The following IKZF1 variants were observed in gnomAD, a reference collection of about 807,000 sequenced individuals.
IKZF1 encodes the protein IKAROS family zinc finger 1, also known as DNA-binding protein Ikaros.
IKZF1 carries 10 observed loss-of-function variants against 51.7 expected under a neutral mutation model. The ratio of observed to expected loss-of-function variants is 0.19; its 90% CI spans 0.12 to 0.33. The LOEUF is 0.33. Ranked by LOEUF, IKZF1 falls within the 10% of genes least tolerant of loss-of-function variation. IKZF1 has a pLI of 1.00. For missense variants in IKZF1, 484 were observed against 707.5 expected, an observed-to-expected ratio of 0.68 and a Z score of 3.58; for synonymous variants, 280 against 282.3, an observed-to-expected ratio of 0.99 and a Z score of 0.08.
intron 3 of IKZF1, among the ~76,000 whole-genome samples, chr7:50,372,088 T>C (rs1273806653): frequency 6.6e-6 from 1 of 152,210 alleles, no homozygotes; most frequent in Non-Finnish European, 1.5e-5. Flanking sequence ...CTTATGAAGA[T>C]AGTTTCAAGC....
intron 3 of IKZF1, among the ~76,000 whole-genome samples, chr7:50,361,327 G>T (rs1805153878): frequency 6.6e-6 from 1 of 152,208 alleles, no homozygotes; most frequent in Non-Finnish European, 1.5e-5. Flanking sequence ...TCTACTCAGT[G>T]TCTTTAGAAT....
intron 3 of IKZF1, among the ~76,000 whole-genome samples, chr7:50,364,042 A>C (rs980962535): frequency 2.6e-5 from 4 of 152,312 alleles, no homozygotes; most frequent in African/African-American, 7.2e-5. Context: ...TCTAAATTTT[A>C]TAAATTTTAT....
intron 7 of IKZF1, among the ~76,000 whole-genome samples, chr7:50,396,214 C>T (rs2153511979): frequency 6.6e-6 from 1 of 151,978 alleles, no homozygotes; most frequent in South Asian, 2.1e-4. Context: ...ATTTGTCTTC[C>T]ATATCTGTTA....
Position 50,376,504 on chromosome 7 carries a change from T to C in IKZF1, c.161-29T>C, listed in dbSNP as rs1361582527. ...TTGAGTTTTTTTTTTGCAATGACACTGAGTGGCCTCCTGTATTGTTTCTTT... is the reference window on the plus strand; with the variant it reads ...TTGAGTTTTTTTTTTGCAATGACACCGAGTGGCCTCCTGTATTGTTTCTTT... On this transcript the variant is annotated intron_variant, in intron 3 of 7. Coordinates refer to ENST00000331340, the MANE Select transcript of IKZF1 (RefSeq NM_006060.6). The surrounding 1 kb of genome is among the most constrained non-coding windows in gnomAD (Gnocchi z 4.5). 2 of 1,605,986 alleles carry C rather than the reference T, an allele frequency of 1.2e-6. No homozygotes were observed. The highest frequency in any genetic ancestry group is 1.7e-6 in the Non-Finnish European group (2 of 1,175,234).
intron 7 of IKZF1, 21 bp downstream of exon 7, chr7:50,391,884 G>C (rs1815179775): frequency 1.3e-6 from 2 of 1,598,638 alleles, no homozygotes; most frequent in South Asian, 1.1e-5. Context: ...AATGTTTGCT[G>C]TCTCTTAAAA....
rs568893927 is a variant in IKZF1 at position 50,400,756 on chromosome 7, G to C, written c.*129G>C. The C allele has an allele frequency of 1.7e-4, 200 of 1,176,230 alleles. No individual in the cohort carries two copies. The highest frequency in any genetic ancestry group is 1.5e-3 in the African/African-American group (99 of 64,404). 72.9% of individuals were successfully genotyped at this position (1,176,230 alleles called of 1,614,324 possible). A position where few individuals can be genotyped will look rare whatever the true frequency, so the allele number is the denominator to read the frequency against. On this transcript the variant is annotated 3_prime_UTR_variant, in exon 8 of 8. Coordinates refer to ENST00000331340, the MANE Select transcript of IKZF1 (RefSeq NM_006060.6). The surrounding 1 kb of genome is among the most constrained non-coding windows in gnomAD (Gnocchi z 5.4). ...CAATGTTGTGTTTGGATTTGTAACT[G>C]TTTTTTGTTTTTTGTTTGAGTTGGT...
At chr7:50,308,350 G>T (rs1265689281) in intron 1 of IKZF1, among the ~76,000 whole-genome samples, 1 of 152,172 alleles carries the variant, frequency 6.6e-6, no homozygotes, top group African/African-American at 2.4e-5. Context: ...TCTCATGTTT[G>T]ACTATAATAA....
Position 50,402,406 on chromosome 7 carries a change from G to A in IKZF1, c.*1779G>A, listed in dbSNP as rs1235987590. The A allele has an allele frequency of 4.3e-6, 1 of 230,758 alleles. No homozygotes were observed. Among genetic ancestry groups the A allele is most frequent in the Non-Finnish European group, 8.6e-6 (1 of 116,558 alleles). The allele number at this position is 230,758 out of a possible 1,614,324, so 14.3% of individuals were successfully genotyped here. On this transcript the variant is annotated 3_prime_UTR_variant, in exon 8 of 8. Transcript: ENST00000331340. ...TAGGATAATTAGCAGTATCCCTGGTGGCTACCCAATAGACGCCAGTAGCAC... is the reference window on the plus strand; with the variant it reads ...TAGGATAATTAGCAGTATCCCTGGTAGCTACCCAATAGACGCCAGTAGCAC...
In IKZF1 at chr7:50,400,273, C is replaced by T. The variant is rs1817812129; in HGVS notation, c.1206C>T (p.Ser402=). The change falls in exon 8 of 8, where the codon AGC becomes AGT. Residue 402 remains serine, a synonymous_variant. Coordinates refer to ENST00000331340, the MANE Select transcript of IKZF1 (RefSeq NM_006060.6). This position sits in a 1 kb window ranked among gnomAD's most constrained non-coding sequence, Gnocchi z 5.4. ...NSCQDSTDTE[S]NNEEQRSGLI... ...GCCAAGACTCCACGGACACCGAGAG[C>T]AACAACGAGGAGCAGCGCAGCGGTC... is the stretch of plus-strand genomic sequence containing the variant. 2 of 1,612,446 alleles carry T rather than the reference C, an allele frequency of 1.2e-6. No homozygotes were observed. The highest frequency in any genetic ancestry group is 1.1e-5 in the South Asian group (1 of 90,938).
At chr7:50,303,898 C>A (rs1324976247), upstream of IKZF1, among the ~76,000 whole-genome samples, 3 of 145,910 alleles carry the variant, frequency 2.1e-5, no homozygotes, top group Non-Finnish European at 4.6e-5. The surrounding 1 kb of genome is among the most constrained non-coding windows in gnomAD (Gnocchi z 4.7). Context: ...GGGTTACGCG[C>A]GGGTCCCGCA....
intron 5 of IKZF1, among the ~76,000 whole-genome samples, chr7:50,385,454 G>A (rs965287116): frequency 6.6e-6 from 1 of 152,204 alleles, no homozygotes; most frequent in Non-Finnish European, 1.5e-5. Flanking sequence ...GAATTTGTCC[G>A]ATGCTGACAG....
At chr7:50,342,174 A>T (rs890232422) in intron 3 of IKZF1, among the ~76,000 whole-genome samples, 1 of 152,372 alleles carries the variant, frequency 6.6e-6, no homozygotes, top group South Asian at 2.1e-4. Flanking sequence ...ATCTAGGTCC[A>T]GTCCAATTTT....
chr7:50,356,583 TTGTC>T (rs1416458841), intron 3 of IKZF1, among the ~76,000 whole-genome samples: 1 of 152,178 alleles, frequency 6.6e-6, no homozygotes, highest in Non-Finnish European at 1.5e-5. Context: ...GTGCATGGCT[TTGTC>T]TGTGTGTGTG....
At chr7:50,399,190 C>G (rs1295772756) in intron 7 of IKZF1, among the ~76,000 whole-genome samples, 1 of 152,216 alleles carries the variant, frequency 6.6e-6, no homozygotes, top group Non-Finnish European at 1.5e-5. Context: ...CTTGCTGTGC[C>G]TCCTACCCTC....
rs538050494 is a variant in IKZF1 at position 50,314,313 on chromosome 7, T to C, written c.-14-4735T>C. 5.9e-5 allele frequency among the ~76,000 whole-genome samples: 9 copies of C among 152,246 alleles called. No homozygotes were observed. The South Asian group carries it at 1.9e-3, about 32-fold the overall frequency. ...TTTTAGTGGAGACGGGGTTTCGCCG[T>C]GTTAGCCAGGATGGTCTTGATCTCC... On this transcript the variant is annotated intron_variant, in intron 1 of 7. Transcript: ENST00000331340.
intron 3 of IKZF1, among the ~76,000 whole-genome samples, chr7:50,347,026 G>A (rs1166127904): frequency 1.3e-5 from 2 of 152,150 alleles, no homozygotes; most frequent in African/African-American, 4.8e-5. Context: ...ATTATCTCCT[G>A]CATCTTGTAT....
chr7:50,364,313 G>T (rs1300410754), intron 3 of IKZF1, among the ~76,000 whole-genome samples: 1 of 152,234 alleles, frequency 6.6e-6, no homozygotes, highest in Non-Finnish European at 1.5e-5. Context: ...ATTCAAATAG[G>T]ATTCAGAATC....
intron 3 of IKZF1, among the ~76,000 whole-genome samples, chr7:50,343,768 C>T (rs770518580): frequency 1.2e-4 from 18 of 152,176 alleles, no homozygotes; most frequent in Admixed American, 3.9e-4. Flanking sequence ...GTTGAGAATC[C>T]GCATTTTTTT....
intron 1 of IKZF1, among the ~76,000 whole-genome samples, chr7:50,306,938 A>G (rs1403274849): frequency 1.3e-5 from 2 of 152,254 alleles, no homozygotes; most frequent in Non-Finnish European, 2.9e-5. Flanking sequence ...AAGATTATGC[A>G]TTTATTAACA....
Sources: gnomAD v4.1 joint callset for allele counts (sites outside exome capture counted in the v4.1 genomes callset) on GRCh38, gnomAD v4.1.1 for gene constraint, Gnocchi (gnomAD v3.1) non-coding constraint, MANE v1.5 for transcripts, NCBI Gene and HGNC (gene_info 2026-07-23, HGNC 2026-07-21) for gene names.